CNTN4: variants seen among roughly 807,000 people sequenced by gnomAD.
CNTN4 encodes the protein contactin-4.
CNTN4 carries 77 observed loss-of-function variants against 122.5 expected under a neutral mutation model. The ratio of observed to expected loss-of-function variants is 0.63; its 90% confidence interval spans 0.52 to 0.76. The LOEUF is 0.76. Among genes scored for constraint, CNTN4 ranks in the 30% least tolerant of loss-of-function variants. The probability of loss-of-function intolerance (pLI) is 0.00; values close to 1 mark genes in which losing one functional copy is unlikely to be tolerated. For missense variants in CNTN4, 1,256 were observed against 1,259.1 expected (o/e 1.00, Z 0.04); for synonymous variants, 512 against 447.0 (o/e 1.15, Z -1.83).
intron 12 of CNTN4, among the ~76,000 whole-genome samples, chr3:2,903,775 T>C (rs1470737552): frequency 6.6e-6 from 1 of 152,160 alleles, no homozygotes; most frequent in Non-Finnish European, 1.5e-5. Flanking sequence ...ATCTTTTTCT[T>C]CCACTGCATT....
intron 4 of CNTN4, among the ~76,000 whole-genome samples, chr3:2,673,546 T>C (rs2084660567): frequency 6.6e-6 from 1 of 152,068 alleles, no homozygotes; most frequent in African/African-American, 2.4e-5. Flanking sequence ...TTTTTTGTTT[T>C]TTGTTTTGTT....
intron 2 of CNTN4, among the ~76,000 whole-genome samples, chr3:2,177,669 TG>T (rs2036816779): frequency 6.6e-6 from 1 of 151,434 alleles, no homozygotes; most frequent in South Asian, 2.1e-4. Context: ...TGTGTGTGTG[TG>T]TGTGTGTGTG....
At chr3:2,913,445 A>G (rs1458780987) in intron 12 of CNTN4, among the ~76,000 whole-genome samples, 1 of 152,208 alleles carries the variant, frequency 6.6e-6, no homozygotes, top group Non-Finnish European at 1.5e-5. Flanking sequence ...GTTACACGCA[A>G]GCTGAAAATG....
rs778313432 is a variant in CNTN4, at chr3:3,030,903, G to T, written c.1711G>T (p.Ala571Ser). 6.2e-7 allele frequency: 1 copy of T among 1,614,110 alleles called. No homozygotes were observed. Reference sequence around the variant, plus strand: ...GATCCGAAACATCCAACTGAAGCATGCTGGGAAATATGTCTGCATGGTCCA... The same window carrying T: ...GATCCGAAACATCCAACTGAAGCATTCTGGGAAATATGTCTGCATGGTCCA... ...LMIRNIQLKH[A>S]GKYVCMVQTS... Residue 571 changes from alanine to serine, a missense_variant, in exon 16 of 25, where the codon GCT (alanine) becomes TCT (serine). Transcript: ENST00000418658.
chr3:2,459,987 G>A (rs371346292), intron 3 of CNTN4, among the ~76,000 whole-genome samples: 27 of 152,030 alleles, frequency 1.8e-4, no homozygotes, highest in Non-Finnish European at 3.4e-4. Context: ...ACAAGATAGC[G>A]CATGAGAGAG....
At chr3:2,404,949 A>G (rs2046980881) in intron 3 of CNTN4, among the ~76,000 whole-genome samples, 1 of 152,326 alleles carries the variant, frequency 6.6e-6, no homozygotes. Context: ...AGTAAAGGCA[A>G]CAAGTTTAAA....
intron 2 of CNTN4, among the ~76,000 whole-genome samples, chr3:2,154,372 A>G (rs1303220637): frequency 6.8e-6 from 1 of 147,056 alleles, no homozygotes; most frequent in Non-Finnish European, 1.5e-5. Context: ...ACAAAGTGAC[A>G]CTGTCTCAAA....
chr3:3,047,262 C>G (rs1700754957), intron 23 of CNTN4, among the ~76,000 whole-genome samples: 1 of 152,022 alleles, frequency 6.6e-6, no homozygotes, highest in Non-Finnish European at 1.5e-5. Flanking sequence ...GAACTCAGCT[C>G]TGCACCAAGC....
chr3:2,126,145 C>T (rs946038112), intron 2 of CNTN4, among the ~76,000 whole-genome samples: 38 of 152,154 alleles, frequency 2.5e-4, no homozygotes, highest in Non-Finnish European at 5.3e-4. Context: ...GAATGTCCTC[C>T]GGGGAACATA....
chr3:3,003,631 T>G (rs1696262333), intron 14 of CNTN4, among the ~76,000 whole-genome samples: 1 of 146,900 alleles, frequency 6.8e-6, no homozygotes, highest in Admixed American at 6.9e-5. Flanking sequence ...GTACAGGGCT[T>G]CTTTTGGGGA....
chr3:2,162,020 T>G (rs1157252354), intron 2 of CNTN4, among the ~76,000 whole-genome samples: 7 of 152,222 alleles, frequency 4.6e-5, no homozygotes, highest in Non-Finnish European at 8.8e-5. Flanking sequence ...ATTGATCTTA[T>G]GTCTGTTAAA....
intron 4 of CNTN4, among the ~76,000 whole-genome samples, chr3:2,575,436 G>A (rs973157269): frequency 7.2e-5 from 11 of 152,052 alleles, no homozygotes; most frequent in Admixed American, 4.6e-4. Context: ...ACTTGAACCC[G>A]GAAGGCAGAG....
At chr3:2,448,853 A>G (rs1193562083) in intron 3 of CNTN4, among the ~76,000 whole-genome samples, 2 of 152,184 alleles carry the variant, frequency 1.3e-5, no homozygotes, top group South Asian at 2.1e-4. Flanking sequence ...GTAAAAATGT[A>G]TAGGAAAGCA....
At chr3:2,273,404 A>G (rs1053163448) in intron 2 of CNTN4, among the ~76,000 whole-genome samples, 2 of 152,208 alleles carry the variant, frequency 1.3e-5, no homozygotes, top group Admixed American at 6.5e-5. Flanking sequence ...CAATGTGGGC[A>G]ACAAACATCT....
At chr3:3,053,610 A>C (rs1176188460) in intron 23 of CNTN4, among the ~76,000 whole-genome samples, 197 bp from the exon 24 acceptor site, 1 of 152,150 alleles carries the variant, frequency 6.6e-6, no homozygotes, top group Non-Finnish European at 1.5e-5. Flanking sequence ...ATATCCTTTC[A>C]GCTCTTTCCT....
In CNTN4 at chr3:3,005,995, C is replaced by T. The variant is rs557018358; in HGVS notation, c.1486+17523C>T. Among the ~76,000 whole-genome samples the T allele has an allele frequency of 7.3e-5, 11 of 151,404 alleles. No homozygotes were observed. The East Asian group carries it at 9.8e-4, about 13-fold the overall frequency. On this transcript the variant is annotated intron_variant, in intron 14 of 24. Transcript: ENST00000418658. ...CTGCCTCCCAGGTTCACGCCATTCT[C>T]GTGCCTCAGCCTCCCAAGTAGCTGG...
At chr3:2,204,214 AG>A (rs1256593212) in intron 2 of CNTN4, among the ~76,000 whole-genome samples, 1 of 152,170 alleles carries the variant, frequency 6.6e-6, no homozygotes, top group Non-Finnish European at 1.5e-5. Context: ...TTTAATAAAT[AG>A]GTTCAGTAAA....
chr3:2,649,025 C>A (rs190407192), intron 4 of CNTN4, among the ~76,000 whole-genome samples: 1 of 152,280 alleles, frequency 6.6e-6, no homozygotes, highest in African/African-American at 2.4e-5. Context: ...CCCTAATTCT[C>A]TTCAATTCTG....
At chr3:3,013,108 T>C (rs1697398464) in intron 14 of CNTN4, among the ~76,000 whole-genome samples, 1 of 152,170 alleles carries the variant, frequency 6.6e-6, no homozygotes, top group Non-Finnish European at 1.5e-5. Context: ...AATAATAGTA[T>C]CTCATACTCT....
Sources: gnomAD v4.1 joint callset for allele counts (sites outside exome capture counted in the v4.1 genomes callset) on GRCh38, gnomAD v4.1.1 for gene constraint, MANE v1.5 for transcripts, NCBI Gene and HGNC (gene_info 2026-07-23, HGNC 2026-07-21) for gene names.